Variants in KMT2E observed in about 807,000 individuals in gnomAD.
KMT2E encodes the protein histone reader KMT2E.
Under a neutral mutation model 184.6 loss-of-function variants are expected in KMT2E, and 30 were observed. The observed-to-expected ratio is 0.16, with a 90% CI of 0.12 to 0.22. The LOEUF (loss-of-function observed/expected upper bound fraction) is 0.22. KMT2E is among the 10% of genes least tolerant of loss of function. The probability of loss-of-function intolerance (pLI) is 1.00; values close to 1 mark genes in which losing one functional copy is unlikely to be tolerated. For synonymous variants in KMT2E, 815 were observed against 776.5 expected (o/e 1.05, Z -0.82); for missense variants, 2,023 against 2,237.4 (o/e 0.90, Z 1.93).
intron 13 of KMT2E, among the ~76,000 whole-genome samples, chr7:105,087,061 ATAAT>A (rs1424281813): frequency 6.8e-6 from 1 of 147,270 alleles, no homozygotes; most frequent in Non-Finnish European, 1.5e-5. Context: ...TATAGCATAT[ATAAT>A]ATATAATACA....
intron 13 of KMT2E, among the ~76,000 whole-genome samples, chr7:105,089,536 C>T (rs751657310): frequency 6.6e-6 from 1 of 152,180 alleles, no homozygotes; most frequent in Non-Finnish European, 1.5e-5. Context: ...AAATTCTACA[C>T]CTGACCTCAT....
chr7:105,047,464 G>A (rs957821012), intron 3 of KMT2E, among the ~76,000 whole-genome samples: 3 of 152,178 alleles, frequency 2.0e-5, no homozygotes, highest in African/African-American at 7.2e-5. Flanking sequence ...TGAACTATAT[G>A]AATGCCATTT....
intron 23 of KMT2E, among the ~76,000 whole-genome samples, chr7:105,109,905 G>A (rs1042554940): frequency 7.4e-5 from 11 of 149,214 alleles, no homozygotes; most frequent in African/African-American, 2.5e-4. Context: ...GTGCAGTGGC[G>A]CAATCTCGGC....
intron 3 of KMT2E, among the ~76,000 whole-genome samples, chr7:105,045,982 C>G (rs913977215): frequency 6.6e-6 from 1 of 152,072 alleles, no homozygotes; most frequent in African/African-American, 2.4e-5. Flanking sequence ...ACTTTTTAAA[C>G]TGTCCTGGAG....
At chr7:105,109,351 T>C in intron 23 of KMT2E, 123 bp downstream of exon 23, 1 of 963,856 alleles carries the variant, frequency 1.0e-6, no homozygotes. Flanking sequence ...TAAAAGATTC[T>C]CTCTGCTAAT....
chr7:105,068,711 G>A (rs1388255647), intron 6 of KMT2E, among the ~76,000 whole-genome samples: 1 of 141,710 alleles, frequency 7.1e-6, no homozygotes, highest in African/African-American at 2.7e-5. Flanking sequence ...TTGGGCTCAA[G>A]CAATCTTCCC....
At chr7:105,076,719 T>C (rs528881031) in intron 9 of KMT2E, among the ~76,000 whole-genome samples, 1 of 152,324 alleles carries the variant, frequency 6.6e-6, no homozygotes, top group East Asian at 1.9e-4. Context: ...ATAACAAATT[T>C]CTAAAATTGT....
intron 6 of KMT2E, among the ~76,000 whole-genome samples, chr7:105,067,066 TAAAAAA>T (rs11457088): frequency 3.9e-4 from 45 of 115,474 alleles, no homozygotes; most frequent in Non-Finnish European, 5.4e-4. Flanking sequence ...CTTTTTTTTT[TAAAAAA>T]AAAAAAAAAA....
rs770853418 is a variant in KMT2E, at chr7:105,106,733, A to G, written c.2808A>G (p.Pro936=). 1 of 1,613,378 alleles carries G rather than the reference A, an allele frequency of 6.2e-7. No individual in the cohort carries two copies. The highest frequency in any genetic ancestry group is 1.1e-5 in the South Asian group (1 of 91,070). Residue 936 remains proline (P), a synonymous_variant, in exon 20 of 27, where the codon CCA becomes CCG. Transcript: ENST00000311117. ...GYKPIYSPVT[P]VTPGTPGNTM... Reference sequence around the variant, plus strand: ...AACCCATATATTCACCAGTTACCCCAGTAACTCCTGGTACACCAGGAAATA... The same window carrying G: ...AACCCATATATTCACCAGTTACCCCGGTAACTCCTGGTACACCAGGAAATA...
intron 1 of KMT2E, among the ~76,000 whole-genome samples, chr7:105,019,099 T>G (rs998394074): frequency 6.6e-6 from 1 of 152,174 alleles, no homozygotes; most frequent in African/African-American, 2.4e-5. Flanking sequence ...ATTGTTTTTT[T>G]GTTATTGTGA....
At chr7:105,067,066 T>TAA (rs11457088) in intron 6 of KMT2E, among the ~76,000 whole-genome samples, 3,505 of 114,900 alleles carry the variant, frequency 0.031, 36 homozygotes, top group Non-Finnish European at 0.035. Flanking sequence ...CTTTTTTTTT[T>TAA]AAAAAAAAAA....
chr7:105,047,752 C>G (rs1033310694), intron 3 of KMT2E, among the ~76,000 whole-genome samples: 2 of 152,152 alleles, frequency 1.3e-5, no homozygotes, highest in African/African-American at 4.8e-5. Flanking sequence ...CCATGTCTTG[C>G]TTTTTCTCAC....
At chr7:105,031,940 C>T (rs962447226) in intron 1 of KMT2E, among the ~76,000 whole-genome samples, 4 of 147,764 alleles carry the variant, frequency 2.7e-5, no homozygotes, top group Admixed American at 6.7e-5. Context: ...CATGGTGGCG[C>T]GCCTGTAGTC....
chr7:105,064,945 A>G (rs1049559854), intron 5 of KMT2E, among the ~76,000 whole-genome samples: 3 of 152,170 alleles, frequency 2.0e-5, no homozygotes, highest in South Asian at 4.1e-4. Flanking sequence ...TTCTTTTGAT[A>G]TAACGGCGAT....
intron 3 of KMT2E, among the ~76,000 whole-genome samples, chr7:105,045,019 T>G (rs1796041098): frequency 1.3e-5 from 2 of 152,254 alleles, no homozygotes; most frequent in African/African-American, 4.8e-5. Context: ...GGATTAAGTC[T>G]TGACCCTTTG....
intron 1 of KMT2E, among the ~76,000 whole-genome samples, chr7:105,035,036 T>C (rs1367703670): frequency 1.3e-5 from 2 of 149,518 alleles, no homozygotes; most frequent in Admixed American, 6.7e-5. Flanking sequence ...TTTTTTTTTT[T>C]TTTTTTGAGA....
chr7:105,026,532 A>G (rs1795184717), intron 1 of KMT2E, among the ~76,000 whole-genome samples: 1 of 152,214 alleles, frequency 6.6e-6, no homozygotes. Flanking sequence ...TAAGGGAAAT[A>G]ACTGATGATT....
chr7:105,113,312 C>T lies in KMT2E; in HGVS notation c.5556C>T (p.Tyr1852=), dbSNP rs1489298544. Residue 1852 remains tyrosine, a synonymous_variant, in exon 27 of 27, where the codon TAC becomes TAT. Transcript: ENST00000311117. ...TGCCACCAACATTTCAAAACAATTA[C>T]CATGGGTCAGGGTGGCATTAAAATG... The part of the protein sequence containing the change: ...AQVPPTFQNN[Y]HGSGWH 2 of 1,612,596 alleles carry T rather than the reference C, an allele frequency of 1.2e-6. No individual in the cohort carries two copies. The highest frequency in any genetic ancestry group is 1.7e-5 in the Admixed American group (1 of 60,008).
chr7:105,027,721 T>A (rs1795229955), intron 1 of KMT2E, among the ~76,000 whole-genome samples: 1 of 152,162 alleles, frequency 6.6e-6, no homozygotes, highest in African/African-American at 2.4e-5. Context: ...AGGAAGCTGA[T>A]CTTGGGATAT....
Sources: gnomAD v4.1 joint callset for allele counts (sites outside exome capture counted in the v4.1 genomes callset) on GRCh38, gnomAD v4.1.1 for gene constraint, MANE v1.5 for transcripts, NCBI Gene and HGNC (gene_info 2026-07-23, HGNC 2026-07-21) for gene names.